Variants in PPFIA2 observed in about 807,000 individuals in gnomAD.
PPFIA2 encodes the protein liprin-alpha-2.
PPFIA2 carries 46 observed loss-of-function variants against 175.5 expected under a neutral mutation model. The observed-to-expected ratio is 0.26, with a 90% confidence interval of 0.21 to 0.34. PPFIA2 has a LOEUF of 0.34. Ranked by LOEUF, PPFIA2 falls within the 10% of genes least tolerant of loss-of-function variation. PPFIA2 has a pLI of 1.00. For missense variants in PPFIA2, 1,179 were observed against 1,506.1 expected (o/e 0.78, Z 3.60); for synonymous variants, 568 against 511.4 (o/e 1.11, Z -1.49).
At chr12:81,666,886 C>T (rs964865076) in intron 4 of PPFIA2, among the ~76,000 whole-genome samples, 3 of 152,026 alleles carry the variant, frequency 2.0e-5, no homozygotes, top group African/African-American at 7.2e-5. Context: ...AGAGTCCACA[C>T]TCTACACCAC....
intron 7 of PPFIA2, among the ~76,000 whole-genome samples, chr12:81,428,393 T>C (rs1027370564): frequency 6.6e-6 from 1 of 152,030 alleles, no homozygotes; most frequent in African/African-American, 2.4e-5. Context: ...GTAAAATTAG[T>C]GGAAGTAGCA....
chr12:81,539,151 G>C (rs533101838), intron 4 of PPFIA2, among the ~76,000 whole-genome samples: 1 of 151,884 alleles, frequency 6.6e-6, no homozygotes, highest in Non-Finnish European at 1.5e-5. Context: ...AAGACTCTGC[G>C]GGGAGCAGTT....
intron 4 of PPFIA2, among the ~76,000 whole-genome samples, chr12:81,660,511 G>T (rs2068627587): frequency 1.3e-5 from 2 of 152,122 alleles, no homozygotes; most frequent in South Asian, 4.1e-4. Context: ...AGAATAAAAA[G>T]AAAATAACAA....
chr12:81,700,156 C>A (rs931869500), intron 3 of PPFIA2, among the ~76,000 whole-genome samples: 1 of 152,024 alleles, frequency 6.6e-6, no homozygotes, highest in Non-Finnish European at 1.5e-5. Context: ...TATCTTCATA[C>A]TCTGTAATCC....
At chr12:81,612,166 G>C (rs1418015617) in intron 4 of PPFIA2, among the ~76,000 whole-genome samples, 1 of 151,856 alleles carries the variant, frequency 6.6e-6, no homozygotes, top group Non-Finnish European at 1.5e-5. Flanking sequence ...CAGCCATCTT[G>C]TCCTCCTGAG....
At chr12:81,458,152 T>A (rs1201040784) in intron 4 of PPFIA2, among the ~76,000 whole-genome samples, 6 of 152,196 alleles carry the variant, frequency 3.9e-5, no homozygotes. Flanking sequence ...TGATAACTTA[T>A]TCCTAGAGTA....
At position 81,692,551 on chromosome 12, in the gene PPFIA2, A is replaced by G. The variant is rs546484912; in HGVS notation, c.250-15707T>C. On this transcript the variant is annotated intron_variant, in intron 3 of 32. Transcript: ENST00000549396. ...GCTCATTATAAAATAAAAATATTTT[A>G]CAGGTTGAATCTTTTTAGACCAATG... Among the ~76,000 whole-genome samples the G allele has an allele frequency of 8.5e-5, 13 of 152,290 alleles. No homozygotes were observed. The East Asian group carries it at 2.5e-3, about 29-fold the overall frequency.
chr12:81,657,368 C>T (rs1467468586), intron 4 of PPFIA2, among the ~76,000 whole-genome samples: 1 of 152,186 alleles, frequency 6.6e-6, no homozygotes, highest in Non-Finnish European at 1.5e-5. Context: ...AGATAGAATG[C>T]AGTACCAACT....
Position 81,617,823 on chromosome 12 carries a change from A to C in PPFIA2, c.303+58968T>G, listed in dbSNP as rs148004479. Among the ~76,000 whole-genome samples, 714 of 152,374 alleles carry C rather than the reference A, an allele frequency of 4.7e-3. 8 individuals are homozygous for C. The highest frequency in any genetic ancestry group is 0.016 in the African/African-American group (672 of 41,596). On this transcript the variant is annotated intron_variant, in intron 4 of 32. Transcript: ENST00000549396. ...AGGCATTTAGGATACATTAGTGAAC[A>C]AAATAGACAAATATTCTTCTGTGTA... is the stretch of plus-strand genomic sequence containing the variant.
At chr12:81,524,550 C>A (rs1275109788) in intron 4 of PPFIA2, among the ~76,000 whole-genome samples, 1 of 152,164 alleles carries the variant, frequency 6.6e-6, no homozygotes, top group Non-Finnish European at 1.5e-5. Flanking sequence ...TTTGGAAGCA[C>A]ATAATTTGTT....
intron 3 of PPFIA2, among the ~76,000 whole-genome samples, chr12:81,704,350 G>A (rs538143129): frequency 6.6e-6 from 1 of 152,162 alleles, no homozygotes; most frequent in Non-Finnish European, 1.5e-5. Context: ...ATACTGCCTG[G>A]TGTTATGAAG....
intron 9 of PPFIA2, among the ~76,000 whole-genome samples, chr12:81,382,287 G>A (rs2037898581): frequency 6.6e-6 from 1 of 152,166 alleles, no homozygotes; most frequent in South Asian, 2.1e-4. Context: ...AGGTCAGGAA[G>A]GTGGTAGTAG....
rs541415199 is a variant in PPFIA2, at chr12:81,699,332, T to C, written c.250-22488A>G. Among the ~76,000 whole-genome samples the C allele has an allele frequency of 2.2e-4, 33 of 152,014 alleles. No individual in the cohort carries two copies. In the East Asian group the frequency reaches 5.6e-3, roughly 26 times the overall value. ...ATACCAAATTATTTTGATAAATATA[T>C]TAATACATCAAAAGCATTTTTAAAT... On this transcript the variant is annotated intron_variant, in intron 3 of 32. Transcript: ENST00000549396.
chr12:81,259,964 T>C (rs2034824357), intron 32 of PPFIA2: 1 of 246,832 alleles, frequency 4.1e-6, no homozygotes, highest in Non-Finnish European at 7.7e-6. Flanking sequence ...TACAACTTGC[T>C]AATTAATAAA....
Position 81,332,130 on chromosome 12 carries a change from C to G in PPFIA2, c.2549-6260G>C, listed in dbSNP as rs527976256. Among the ~76,000 whole-genome samples the G allele has an allele frequency of 2.0e-5, 3 of 152,086 alleles. No individual in the cohort carries two copies. The East Asian group carries it at 5.8e-4, about 29-fold the overall frequency. Reference sequence around the variant, plus strand: ...AGCTCGTTTGCTCTAATCCTTAACTCTCACTTCTGCTTGGATGCTTGACCC... The same window carrying G: ...AGCTCGTTTGCTCTAATCCTTAACTGTCACTTCTGCTTGGATGCTTGACCC... On this transcript the variant is annotated intron_variant, in intron 21 of 32. Coordinates refer to ENST00000549396, the MANE Select transcript of PPFIA2 (RefSeq NM_003625.5).
chr12:81,738,259 T>G (rs1016501390), intron 3 of PPFIA2, among the ~76,000 whole-genome samples: 1 of 151,886 alleles, frequency 6.6e-6, no homozygotes, highest in African/African-American at 2.4e-5. Context: ...CTATCTCCAG[T>G]AGAAATACCT....
intron 22 of PPFIA2, chr12:81,311,987 C>T (rs1337098660): frequency 1.6e-6 from 1 of 618,940 alleles, no homozygotes; most frequent in Non-Finnish European, 2.7e-6. Flanking sequence ...GAACATTTCT[C>T]TGAACCAATG....
intron 3 of PPFIA2, among the ~76,000 whole-genome samples, chr12:81,712,494 T>C (rs1451347116): frequency 6.6e-6 from 1 of 151,292 alleles, no homozygotes; most frequent in Non-Finnish European, 1.5e-5. Flanking sequence ...AAAAGCAGTG[T>C]TGCCTAAGCT....
chr12:81,403,927 T>C (rs1002798077), intron 8 of PPFIA2, among the ~76,000 whole-genome samples: 14 of 152,072 alleles, frequency 9.2e-5, no homozygotes, highest in African/African-American at 3.4e-4. Context: ...AGTTGCCCAT[T>C]TGGCCCTTTT....
Sources: allele counts gnomAD v4.1 joint callset (sites outside exome capture counted in the v4.1 genomes callset), GRCh38; gene constraint gnomAD v4.1.1; transcripts MANE v1.5; gene names NCBI Gene and HGNC (gene_info 2026-07-23, HGNC 2026-07-21).